The following PLA2G12A variants were observed in gnomAD, a reference collection of about 807,000 sequenced individuals.
PLA2G12A encodes phospholipase A2 group XIIA.
Under a neutral mutation model 16.0 loss-of-function variants are expected in PLA2G12A, and 11 were observed. The observed-to-expected ratio is 0.69, with a 90% CI of 0.43 to 1.13. PLA2G12A has a LOEUF of 1.13. PLA2G12A is among the 50% of genes most tolerant of loss of function. PLA2G12A has a pLI of 0.00. For synonymous variants in PLA2G12A, 77 were observed against 93.8 expected, an observed-to-expected ratio of 0.82 and a Z score of 1.03; for missense variants, 214 against 237.3, an observed-to-expected ratio of 0.90 and a Z score of 0.65.
intron 3 of PLA2G12A, among the ~76,000 whole-genome samples, chr4:109,715,771 G>A (rs1248822352): frequency 2.0e-5 from 3 of 152,138 alleles, no homozygotes; most frequent in Admixed American, 6.5e-5. Context: ...CACCGCACCC[G>A]GCCCCAGTTA....
intron 3 of PLA2G12A, among the ~76,000 whole-genome samples, chr4:109,716,870 TG>T (rs1730836802): frequency 6.6e-6 from 1 of 152,208 alleles, no homozygotes; most frequent in South Asian, 2.1e-4. Flanking sequence ...TTAAATTCAC[TG>T]GTGGTATGGT....
intron 1 of PLA2G12A, among the ~76,000 whole-genome samples, chr4:109,726,639 C>G (rs1383938989): frequency 7.9e-5 from 12 of 152,154 alleles, no homozygotes; most frequent in Admixed American, 7.9e-4. Context: ...TAATTAATGA[C>G]TTATTCATCA....
intron 2 of PLA2G12A, 115 bp from the exon 3 acceptor site, chr4:109,717,828 C>A: frequency 9.7e-7 from 1 of 1,028,452 alleles, no homozygotes; most frequent in Non-Finnish European, 1.4e-6. Flanking sequence ...TAGATAGTTC[C>A]AAAATCCATT....
Position 109,710,795 on chromosome 4 carries a change from G to A in PLA2G12A, c.*3582C>T, listed in dbSNP as rs1730711497. On this transcript the variant is annotated 3_prime_UTR_variant, in exon 4 of 4. Transcript: ENST00000243501. ...ACAACTAATTTTAATAAGTATTACT[G>A]GACTAGTCTACAGGTTCACTGAAAG... 6.6e-6 allele frequency: 1 copy of A among 152,164 alleles called. No individual in the cohort carries two copies. The highest frequency in any genetic ancestry group is 6.5e-5 in the Admixed American group (1 of 15,272). The allele number at this position is 152,164 out of a possible 1,614,324, so 9.4% of individuals were successfully genotyped here.
At position 109,729,815 on chromosome 4, in the gene PLA2G12A, C is replaced by G; in HGVS notation, c.-6G>C. On this transcript the variant is annotated 5_prime_UTR_variant, in exon 1 of 4. Coordinates refer to ENST00000243501, the MANE Select transcript of PLA2G12A (RefSeq NM_030821.5). ...GGGCGCGAGAGCAGGGCCATGCGCG[C>G]AGCGCCGGGCTCTACGGGTCCCCGA... The G allele has an allele frequency of 6.5e-7, 1 of 1,547,812 alleles. No homozygotes were observed. The highest frequency in any genetic ancestry group is 8.7e-7 in the Non-Finnish European group (1 of 1,146,176).
chr4:109,725,196 TTAAAA>T (rs1216471474), intron 1 of PLA2G12A, among the ~76,000 whole-genome samples: 3 of 152,152 alleles, frequency 2.0e-5, no homozygotes, highest in African/African-American at 7.2e-5. Context: ...TTTGATGAAA[TTAAAA>T]TAATTCTTTA....
chr4:109,725,769 C>T (rs2126168719), intron 1 of PLA2G12A, among the ~76,000 whole-genome samples: 1 of 152,262 alleles, frequency 6.6e-6, no homozygotes, highest in South Asian at 2.1e-4. Context: ...GATAGACCAA[C>T]TGTTTTCACC....
intron 3 of PLA2G12A, among the ~76,000 whole-genome samples, chr4:109,715,091 G>A (rs1730803706): frequency 6.6e-6 from 1 of 152,184 alleles, no homozygotes; most frequent in African/African-American, 2.4e-5. Context: ...GATTACAGGC[G>A]TGGGCCACCA....
chr4:109,714,099 G>A lies in PLA2G12A; in HGVS notation c.*278C>T, dbSNP rs940917187. Reference sequence around the variant, plus strand: ...TATATTCCTCTTTTCAAAATTCTCCGCTAAACAAGCACTTGTTTTTGATAT... The same window carrying A: ...TATATTCCTCTTTTCAAAATTCTCCACTAAACAAGCACTTGTTTTTGATAT... On this transcript the variant is annotated 3_prime_UTR_variant, in exon 4 of 4. Transcript: ENST00000243501. The A allele has an allele frequency of 5.5e-5, 17 of 310,500 alleles. No individual in the cohort carries two copies. Among genetic ancestry groups the A allele is most frequent in the Admixed American group, 4.4e-4 (10 of 22,488 alleles). The allele number at this position is 310,500 out of a possible 1,614,324, so 19.2% of individuals were successfully genotyped here.
chr4:109,716,992 G>A (rs762600234), intron 3 of PLA2G12A, among the ~76,000 whole-genome samples: 4 of 152,170 alleles, frequency 2.6e-5, no homozygotes, highest in African/African-American at 4.8e-5. Context: ...TGGTAAATGT[G>A]ATTAGTGCTC....
At chr4:109,725,389 A>G (rs1320971060) in intron 1 of PLA2G12A, among the ~76,000 whole-genome samples, 1 of 152,228 alleles carries the variant, frequency 6.6e-6, no homozygotes, top group Non-Finnish European at 1.5e-5. Context: ...AAATGTATTA[A>G]TATTTTAAAT....
intron 3 of PLA2G12A, among the ~76,000 whole-genome samples, chr4:109,715,478 ATTTAT>A (rs1275909631): frequency 1.3e-5 from 2 of 150,356 alleles, no homozygotes; most frequent in African/African-American, 2.4e-5. Flanking sequence ...TTATTTATTT[ATTTAT>A]TTTATTTATT....
At chr4:109,718,346 G>A (rs13107296) in intron 2 of PLA2G12A, among the ~76,000 whole-genome samples, 85,762 of 151,840 alleles carry the variant, frequency 0.56, 24,520 homozygotes, top group South Asian at 0.68. Context: ...CAACCACACA[G>A]CTATCCCACT....
chr4:109,725,582 T>C (rs1722919262), intron 1 of PLA2G12A, among the ~76,000 whole-genome samples: 1 of 152,240 alleles, frequency 6.6e-6, no homozygotes, highest in Admixed American at 6.5e-5. Flanking sequence ...CCAAATCCAC[T>C]GTGTACAACT....
In PLA2G12A at chr4:109,714,275, T is replaced by C; in HGVS notation, c.*102A>G. ...AAATTATTTTAAGGTCTCAAAATAATCCTTTCACAAAAATAAGACAGTTTT... is the reference window on the plus strand; with the variant it reads ...AAATTATTTTAAGGTCTCAAAATAACCCTTTCACAAAAATAAGACAGTTTT... On this transcript the variant is annotated 3_prime_UTR_variant, in exon 4 of 4. Coordinates refer to ENST00000243501, the MANE Select transcript of PLA2G12A (RefSeq NM_030821.5). 1.2e-6 allele frequency: 1 copy of C among 853,634 alleles called. No individual in the cohort carries two copies. Among genetic ancestry groups the C allele is most frequent in the South Asian group, 1.5e-5 (1 of 68,110 alleles). 52.9% of individuals were successfully genotyped at this position (853,634 alleles called of 1,614,324 possible).
rs1730702358 is a variant in PLA2G12A at position 109,710,452 on chromosome 4, G to A, written c.*3925C>T. On this transcript the variant is annotated 3_prime_UTR_variant, in exon 4 of 4. Coordinates refer to ENST00000243501, the MANE Select transcript of PLA2G12A (RefSeq NM_030821.5). ...ACTCTTTTAAATTTAGAGAGAGTTG[G>A]TTTTAGGCTAACAATTTTTTTTCTT... is the stretch of plus-strand genomic sequence containing the variant. 6.6e-6 allele frequency: 1 copy of A among 152,158 alleles called. No individual in the cohort carries two copies. The highest frequency in any genetic ancestry group is 2.1e-4 in the South Asian group (1 of 4,828). The allele number at this position is 152,158 out of a possible 1,614,324, so 9.4% of individuals were successfully genotyped here.
rs536838336 is a variant in PLA2G12A, at chr4:109,712,373, G to A, written c.*2004C>T. On this transcript the variant is annotated 3_prime_UTR_variant, in exon 4 of 4. Transcript: ENST00000243501. ...GTTTCTACTGATTTTTGTATAATTT[G>A]TGATCACGAATTATATTTTATAACG... The A allele has an allele frequency of 2.4e-4, 37 of 151,628 alleles. 1 individual carries two copies. Among genetic ancestry groups the A allele is most frequent in the Middle Eastern group, 6.8e-3 (2 of 292 alleles). 9.4% of individuals were successfully genotyped at this position (151,628 alleles called of 1,614,324 possible).
rs943413823 is a variant in PLA2G12A at position 109,722,038 on chromosome 4, G to A, written c.209-3279C>T. 5.3e-5 allele frequency among the ~76,000 whole-genome samples: 8 copies of A among 152,108 alleles called. No individual in the cohort carries two copies. The South Asian group carries it at 8.3e-4, about 16-fold the overall frequency. On this transcript the variant is annotated intron_variant, in intron 1 of 3. Coordinates refer to ENST00000243501, the MANE Select transcript of PLA2G12A (RefSeq NM_030821.5). ...ACCCCCATAATCCAGTCTCAACACC[G>A]AGCACAAATGATCGTATTAAAATAT...
At chr4:109,720,570 T>A (rs1193863130) in intron 1 of PLA2G12A, among the ~76,000 whole-genome samples, 6 of 47,988 alleles carry the variant, frequency 1.3e-4, no homozygotes, top group Non-Finnish European at 2.1e-4. Flanking sequence ...ACTCTGTCTG[T>A]ATTCAAAAAA....
Sources: gnomAD v4.1 joint callset for allele counts (sites outside exome capture counted in the v4.1 genomes callset) on GRCh38, gnomAD v4.1.1 for gene constraint, MANE v1.5 for transcripts, NCBI Gene and HGNC (gene_info 2026-07-23, HGNC 2026-07-21) for gene names.